SRCAP: variants seen among roughly 807,000 people sequenced by gnomAD.
SRCAP encodes Snf2 related CREBBP activator protein, also known as chromatin remodeling protein SRCAP.
A neutral mutation model predicts 263.1 loss-of-function variants in SRCAP; 46 were observed. The ratio of observed to expected loss-of-function variants is 0.17; its 90% CI spans 0.14 to 0.22. The LOEUF is 0.22. Ranked by LOEUF, SRCAP falls within the 10% of genes least tolerant of loss-of-function variation. The probability of loss-of-function intolerance (pLI) is 1.00; values close to 1 mark genes in which losing one functional copy is unlikely to be tolerated. For synonymous variants in SRCAP, 1,813 were observed against 1,662.1 expected, an observed-to-expected ratio of 1.09 and a Z score of -2.21; for missense variants, 3,695 against 4,181.9, an observed-to-expected ratio of 0.88 and a Z score of 3.21.
At chr16:30,718,847 A>G (rs770233030) in intron 18 of SRCAP, among the ~76,000 whole-genome samples, 36 of 151,080 alleles carry the variant, frequency 2.4e-4, no homozygotes, top group Non-Finnish European at 4.1e-4. Flanking sequence ...ATCATGTCCA[A>G]TAAATCATTG....
chr16:30,714,134 G>A (rs1447811639), intron 16 of SRCAP, among the ~76,000 whole-genome samples: 3 of 148,646 alleles, frequency 2.0e-5, no homozygotes, highest in Admixed American at 6.7e-5. Context: ...GCGCGGTCTT[G>A]GCTCACTGCA....
chr16:30,700,908 C>T (rs1286227916), intron 3 of SRCAP, 30 bp downstream of exon 3: 11 of 1,610,884 alleles, frequency 6.8e-6, no homozygotes, highest in Middle Eastern at 3.3e-4. Context: ...TCCTTCTCTG[C>T]TTCTGCTTTG....
At position 30,704,202 on chromosome 16, in the gene SRCAP, G is replaced by T. The variant is rs370333025; in HGVS notation, c.193G>T (p.Asp65Tyr). The T allele has an allele frequency of 3.7e-6, 6 of 1,614,200 alleles. No individual in the cohort carries two copies. The highest frequency in any genetic ancestry group is 5.1e-6 in the Non-Finnish European group (6 of 1,180,034). The change falls in exon 4 of 34, where the codon GAT (aspartate) becomes TAT (tyrosine). Residue 65 changes from aspartate to tyrosine, a missense_variant. Asp to Tyr is a radical substitution (Grantham distance 160, BLOSUM62 -3). Around this residue, in one of 12 missense-constraint regions of SRCAP, gnomAD observed 122 missense variants for 116.9 expected, o/e 1.04. Coordinates refer to ENST00000262518, the MANE Select transcript of SRCAP (RefSeq NM_006662.3). ...ACTGGATGGACCTCCAGGCCCCCCA[G>T]ATGGTGCCACAGTGCCCCTGGAGGG... The part of the protein sequence containing the change: ...SSLDGPPGPP[D>Y]GATVPLEGFS...
chr16:30,734,622 A>T lies in SRCAP; in HGVS notation c.6729+7A>T. ...GACTCATATTCTGGAGCAGGTAAAA[A>T]AAGAGTGGGCAGTTCGTAAAGTTGA... On this transcript the variant is annotated splice_region_variant and intron_variant, in intron 31 of 33. Transcript: ENST00000262518. 1 of 1,614,070 alleles carries T rather than the reference A, an allele frequency of 6.2e-7. No individual in the cohort carries two copies. The highest frequency in any genetic ancestry group is 1.1e-5 in the South Asian group (1 of 91,074).
intron 25 of SRCAP, among the ~76,000 whole-genome samples, chr16:30,728,203 A>C (rs1306898323): frequency 6.6e-6 from 1 of 152,240 alleles, no homozygotes; most frequent in Non-Finnish European, 1.5e-5. Context: ...TTTTGTTAAC[A>C]GATAAATGTA....
chr16:30,711,124 T>C (rs1415905778), intron 10 of SRCAP, 36 bp downstream of exon 10: 2 of 1,538,618 alleles, frequency 1.3e-6, no homozygotes, highest in East Asian at 2.3e-5. Flanking sequence ...AGCATCCACT[T>C]GGTGTCTGCG....
Position 30,729,163 on chromosome 16 carries a change from C to G in SRCAP, c.5856C>G (p.Thr1952=), listed in dbSNP as rs185115813. The G allele has an allele frequency of 6.2e-7, 1 of 1,614,052 alleles. No individual in the cohort carries two copies. Among genetic ancestry groups the G allele is most frequent in the South Asian group, 1.1e-5 (1 of 91,070 alleles). The change falls in exon 26 of 34, where the codon ACC becomes ACG. Residue 1952 remains threonine, a synonymous_variant. Coordinates refer to ENST00000262518, the MANE Select transcript of SRCAP (RefSeq NM_006662.3). ...GPSHPTFWTY[T]EAAHRAVLFP... The stretch of plus-strand genomic sequence containing the variant: ...GCCACCCCACCTTTTGGACTTATAC[C>G]GAGGCTGCCCACCGGGCTGTACTGT...
chr16:30,731,274 A>G (rs1283450978), intron 27 of SRCAP, among the ~76,000 whole-genome samples: 1 of 152,206 alleles, frequency 6.6e-6, no homozygotes, highest in African/African-American at 2.4e-5. Flanking sequence ...ATTTAGATCA[A>G]CTTGATTTAT....
In SRCAP at chr16:30,723,741, C is replaced by T; in HGVS notation, c.4317C>T (p.Leu1439=). The part of the protein sequence containing the change: ...STVSVPLSSS[L]PISVPTTLPA... ...TCTCAGTTCCATTGTCATCTTCACT[C>T]CCCATCTCTGTCCCCACCACACTTC... The change falls in exon 25 of 34, where the codon CTC becomes CTT. Residue 1439 remains leucine, a synonymous_variant. Transcript: ENST00000262518. The T allele has an allele frequency of 2.5e-6, 4 of 1,614,076 alleles. No homozygotes were observed. The highest frequency in any genetic ancestry group is 1.6e-4 in the Middle Eastern group (1 of 6,062).
Position 30,738,077 on chromosome 16 carries a change from G to C in SRCAP, c.8037G>C (p.Glu2679Asp). Residue 2679 changes from glutamate to aspartate, a missense_variant, in exon 34 of 34, where the codon GAG becomes GAC. By Grantham distance (45) the Glu-to-Asp change is conservative (BLOSUM62 2). Coordinates refer to ENST00000262518, the MANE Select transcript of SRCAP (RefSeq NM_006662.3). Reference protein sequence around the residue: ...EADRTSEELTEAKTPTSSPEK... With the variant: ...EADRTSEELTDAKTPTSSPEK... ...ACAGGACCTCGGAAGAGCTGACAGA[G>C]GCCAAGACCCCAACCTCCAGCCCAG... The C allele has an allele frequency of 6.2e-7, 1 of 1,614,088 alleles. No individual in the cohort carries two copies. The highest frequency in any genetic ancestry group is 8.5e-7 in the Non-Finnish European group (1 of 1,180,024).
intron 31 of SRCAP, among the ~76,000 whole-genome samples, chr16:30,735,937 G>A (rs1415885580): frequency 6.8e-6 from 1 of 147,538 alleles, no homozygotes; most frequent in Non-Finnish European, 1.5e-5. Context: ...TTTGAGAGCT[G>A]AGGCTGACTT....
chr16:30,721,282 T>C lies in SRCAP; in HGVS notation c.3347T>C (p.Leu1116Pro). 1 of 1,614,182 alleles carries C rather than the reference T, an allele frequency of 6.2e-7. No individual in the cohort carries two copies. Among genetic ancestry groups the C allele is most frequent in the Non-Finnish European group, 8.5e-7 (1 of 1,180,026 alleles). Residue 1116 changes from leucine (L) to proline (P), a missense_variant, in exon 21 of 34, where the codon CTG becomes CCG. Coordinates refer to ENST00000262518, the MANE Select transcript of SRCAP (RefSeq NM_006662.3). ...LKPTPPAPVRLSPAPPPGSSS... is the reference protein window; with the variant it reads ...LKPTPPAPVRPSPAPPPGSSS... Reference sequence around the variant, plus strand: ...CCAACACCACCTGCCCCAGTTCGCCTGAGCCCAGCCCCACCTCCAGGCTCC... The same window carrying C: ...CCAACACCACCTGCCCCAGTTCGCCCGAGCCCAGCCCCACCTCCAGGCTCC...
At chr16:30,702,609 C>CTCCCTCCCTCCT (rs1380130448) in intron 3 of SRCAP, among the ~76,000 whole-genome samples, 13 of 128,348 alleles carry the variant, frequency 1.0e-4, no homozygotes, top group South Asian at 2.9e-4. Flanking sequence ...CCCTCCCTCC[C>CTCCCTCCCTCCT]TCCCTCCCTC....
In SRCAP at chr16:30,725,072, C is replaced by T; in HGVS notation, c.5648C>T (p.Pro1883Leu). The T allele has an allele frequency of 6.2e-7, 1 of 1,608,804 alleles. No homozygotes were observed. Reference protein sequence around the residue: ...RRQPPPPPRSPFYLDSLEEKR... With the variant: ...RRQPPPPPRSLFYLDSLEEKR... ...CAGCCCCCCCCACCACCTCGTTCCC[C>T]TTTTTATCTGGTAAGTTTTACTTCC... Residue 1883 changes from proline to leucine, a missense_variant, in exon 25 of 34, where the codon CCT (proline) becomes CTT (leucine). Physicochemically the swap from Pro to Leu is moderately conservative, Grantham distance 98 (BLOSUM62 -3). Transcript: ENST00000262518.
At chr16:30,727,011 TG>T (rs1434390563) in intron 25 of SRCAP, among the ~76,000 whole-genome samples, 1 of 152,188 alleles carries the variant, frequency 6.6e-6, no homozygotes, top group Non-Finnish European at 1.5e-5. Flanking sequence ...CAGATTTTTT[TG>T]TATTTTTAGT....
At chr16:30,715,960 T>C in intron 16 of SRCAP, 106 bp from the exon 17 acceptor site, 1 of 1,432,906 alleles carries the variant, frequency 7.0e-7, no homozygotes, top group Non-Finnish European at 9.5e-7. Context: ...GTGGTTGGTG[T>C]CTGATATGGT....
Position 30,722,837 on chromosome 16 carries a change from GTGT to G in SRCAP, c.3892+94_3892+96del, listed in dbSNP as rs1260767387. 3.9e-6 allele frequency: 6 copies of G among 1,547,276 alleles called. No individual in the cohort carries two copies. The African/African-American group carries it at 6.9e-5, about 18-fold the overall frequency. On this transcript the variant is annotated intron_variant, in intron 23 of 33. Coordinates refer to ENST00000262518, the MANE Select transcript of SRCAP (RefSeq NM_006662.3). ...CTACTGTCTGTCCAGCCTTCCCTCA[GTGT>G]TGTTTTCCCTTGCGAATATCTATGA... is the stretch of plus-strand genomic sequence containing the variant.
chr16:30,704,765 C>T (rs1158078134), intron 4 of SRCAP, among the ~76,000 whole-genome samples: 1 of 152,140 alleles, frequency 6.6e-6, no homozygotes, highest in African/African-American at 2.4e-5. Flanking sequence ...TCACCTGAGC[C>T]CAGGAGGTCA....
At position 30,699,262 on chromosome 16, in the gene SRCAP, A is replaced by G; in HGVS notation, c.-284+20A>G. On this transcript the variant is annotated intron_variant, in intron 1 of 33. Transcript: ENST00000262518. The stretch of plus-strand genomic sequence containing the variant: ...CTTCTGGTGAGCTCGGGTCTTGGGA[A>G]CGTGTGGCGGAGTAGGGAGTGAATC... 2.5e-6 allele frequency: 1 copy of G among 398,532 alleles called. No homozygotes were observed. The highest frequency in any genetic ancestry group is 4.4e-6 in the Non-Finnish European group (1 of 226,054). The allele number at this position is 398,532 out of a possible 1,614,324, so 24.7% of individuals were successfully genotyped here. A position where few individuals can be genotyped will look rare whatever the true frequency, so the allele number is the denominator to read the frequency against.
Sources: allele counts gnomAD v4.1 joint callset (sites outside exome capture counted in the v4.1 genomes callset), GRCh38; gene constraint gnomAD v4.1.1; regional missense constraint gnomAD v4.1.1; transcripts MANE v1.5; gene names NCBI Gene and HGNC (gene_info 2026-07-23, HGNC 2026-07-21).